ANKRD29: variants seen among roughly 807,000 people sequenced by gnomAD.
ANKRD29 encodes ankyrin repeat domain-containing protein 29.
Under a neutral mutation model 38.0 loss-of-function variants are expected in ANKRD29, and 32 were observed. That is an observed-to-expected ratio of 0.84 (90% CI 0.64 to 1.13). ANKRD29 has a LOEUF of 1.13. Ranked by LOEUF, ANKRD29 falls within the 50% of genes most tolerant of loss-of-function variation. The pLI, the probability that ANKRD29 is intolerant of heterozygous loss-of-function variation, is 0.00. For missense variants in ANKRD29, 357 were observed against 377.9 expected (o/e 0.94, Z 0.46); for synonymous variants, 135 against 152.4 (o/e 0.89, Z 0.84).
At chr18:23,617,000 C>G (rs1048245320) in intron 8 of ANKRD29, among the ~76,000 whole-genome samples, 1 of 151,998 alleles carries the variant, frequency 6.6e-6, no homozygotes, top group Non-Finnish European at 1.5e-5. Flanking sequence ...AAGTGGATCA[C>G]TTGAGGTCAG....
At chr18:23,605,612 C>T (rs140148778) in intron 9 of ANKRD29, among the ~76,000 whole-genome samples, 191 of 151,842 alleles carry the variant, frequency 1.3e-3, no homozygotes, top group African/African-American at 3.9e-3. Flanking sequence ...CTGCAACCTC[C>T]GCCTCCCGGG....
At chr18:23,603,978 G>C (rs1346293395) in intron 9 of ANKRD29, among the ~76,000 whole-genome samples, 1 of 151,980 alleles carries the variant, frequency 6.6e-6, no homozygotes, top group Non-Finnish European at 1.5e-5. Context: ...CAGTAGCTGG[G>C]ATTATAGGTG....
chr18:23,629,411 G>A (rs760435746), intron 6 of ANKRD29, among the ~76,000 whole-genome samples: 8 of 152,214 alleles, frequency 5.3e-5, no homozygotes, highest in South Asian at 2.1e-4. Flanking sequence ...TGATTCCAAC[G>A]GCATGGGCTC....
At chr18:23,641,783 G>A (rs893195229) in intron 3 of ANKRD29, among the ~76,000 whole-genome samples, 1 of 152,216 alleles carries the variant, frequency 6.6e-6, no homozygotes, top group African/African-American at 2.4e-5. Flanking sequence ...GCTGCTGGAA[G>A]GATCTACCCA....
intron 9 of ANKRD29, among the ~76,000 whole-genome samples, chr18:23,606,354 A>G (rs2059575079): frequency 6.6e-6 from 1 of 152,218 alleles, no homozygotes; most frequent in African/African-American, 2.4e-5. Context: ...TTTTGGCTTC[A>G]AGCGATCCTG....
chr18:23,644,836 TG>T (rs374544088), intron 3 of ANKRD29, among the ~76,000 whole-genome samples: 22 of 152,344 alleles, frequency 1.4e-4, no homozygotes, highest in African/African-American at 5.3e-4. Flanking sequence ...CTCAAGTAAC[TG>T]GTACTATAGG....
At chr18:23,634,245 T>C (rs550662115) in intron 4 of ANKRD29, 96 bp from the exon 5 acceptor site, 11 of 916,482 alleles carry the variant, frequency 1.2e-5, no homozygotes, top group Non-Finnish European at 1.8e-5. Context: ...GGAAGAGAGT[T>C]TTCCCAAAGA....
intron 9 of ANKRD29, among the ~76,000 whole-genome samples, chr18:23,604,476 T>C (rs1202348590): frequency 6.6e-6 from 1 of 152,190 alleles, no homozygotes; most frequent in Non-Finnish European, 1.5e-5. Flanking sequence ...CTTTCTTGGC[T>C]TCTCAGCTTC....
intron 6 of ANKRD29, among the ~76,000 whole-genome samples, chr18:23,628,603 A>T (rs551188891): frequency 6.6e-6 from 1 of 152,336 alleles, no homozygotes; most frequent in South Asian, 2.1e-4. Context: ...TGGGAGCCCA[A>T]GGTGTGTGGA....
At chr18:23,648,996 T>G (rs1423622286) in intron 2 of ANKRD29, 87 bp downstream of exon 2, 1 of 1,068,860 alleles carries the variant, frequency 9.4e-7, no homozygotes, top group Non-Finnish European at 1.4e-6. Context: ...AAATAAGCAT[T>G]GTAAAGGGGA....
At chr18:23,642,716 G>C (rs1160795606) in intron 3 of ANKRD29, among the ~76,000 whole-genome samples, 1 of 152,214 alleles carries the variant, frequency 6.6e-6, no homozygotes, top group Admixed American at 6.5e-5. Flanking sequence ...AGCAACAAAA[G>C]ACCCAAGAAA....
At chr18:23,661,448 T>C (rs2060359942) in intron 1 of ANKRD29, among the ~76,000 whole-genome samples, 1 of 152,196 alleles carries the variant, frequency 6.6e-6, no homozygotes, top group African/African-American at 2.4e-5. Flanking sequence ...GCTCACGCCT[T>C]TAACCCCAGC....
chr18:23,600,990 G>A lies in ANKRD29; in HGVS notation c.*236C>T. 2.6e-6 allele frequency: 1 copy of A among 381,700 alleles called. No homozygotes were observed. Among genetic ancestry groups the A allele is most frequent in the Non-Finnish European group, 4.7e-6 (1 of 210,824 alleles). 23.6% of individuals were successfully genotyped at this position (381,700 alleles called of 1,614,324 possible). On this transcript the variant is annotated 3_prime_UTR_variant, in exon 10 of 10. Coordinates refer to ENST00000592179, the MANE Select transcript of ANKRD29 (RefSeq NM_173505.4). The stretch of plus-strand genomic sequence containing the variant: ...TCTGTGAACATGCCAGGCCCCCCGG[G>A]AGATGAGTTACAGGACACCATGAGA...
In ANKRD29 at chr18:23,601,255, T is replaced by C. The variant is rs1221575876; in HGVS notation, c.877A>G (p.Arg293Gly). ...CTCTTTCTGGGACCTTCTTTACTTC[T>C]CAGGAGACGCAATATACGTTCATTT... ...TKNERILRLLRSKEGPRKS is the reference protein window; with the variant it reads ...TKNERILRLLGSKEGPRKS The change falls in exon 10 of 10, where the codon AGA (arginine) becomes GGA (glycine). Residue 293 changes from arginine to glycine, a missense_variant. Transcript: ENST00000592179. The C allele has an allele frequency of 6.2e-7, 1 of 1,614,142 alleles. No homozygotes were observed.
In ANKRD29 at chr18:23,634,175, A is replaced by G. The variant is rs555654581; in HGVS notation, c.331-26T>C. 5 of 1,593,162 alleles carry G rather than the reference A, an allele frequency of 3.1e-6. No individual in the cohort carries two copies. In the South Asian group the frequency reaches 4.4e-5, roughly 14 times the overall value. ...CTATGGACATGCAAAGTATAAACACATTAGAGGTGGCGCAGGCACATAATT... is the reference window on the plus strand; with the variant it reads ...CTATGGACATGCAAAGTATAAACACGTTAGAGGTGGCGCAGGCACATAATT... On this transcript the variant is annotated intron_variant, in intron 4 of 9. Transcript: ENST00000592179.
At position 23,634,177 on chromosome 18, in the gene ANKRD29, T is replaced by C. The variant is rs750562152; in HGVS notation, c.331-28A>G. On this transcript the variant is annotated intron_variant, in intron 4 of 9. Transcript: ENST00000592179. Reference sequence around the variant, plus strand: ...ATGGACATGCAAAGTATAAACACATTAGAGGTGGCGCAGGCACATAATTCA... The same window carrying C: ...ATGGACATGCAAAGTATAAACACATCAGAGGTGGCGCAGGCACATAATTCA... The C allele has an allele frequency of 8.2e-6, 13 of 1,587,732 alleles. No individual in the cohort carries two copies. In the African/African-American group the frequency reaches 1.8e-4, roughly 21 times the overall value.
At chr18:23,657,759 C>T (rs2060303709) in intron 1 of ANKRD29, among the ~76,000 whole-genome samples, 1 of 152,224 alleles carries the variant, frequency 6.6e-6, no homozygotes, top group South Asian at 2.1e-4. Flanking sequence ...TGCATTAGTG[C>T]TTCATTCCTT....
chr18:23,635,504 C>CT (rs755499663), intron 4 of ANKRD29, among the ~76,000 whole-genome samples: 6 of 152,138 alleles, frequency 3.9e-5, no homozygotes, highest in Non-Finnish European at 5.9e-5. Context: ...CTAAGGCATT[C>CT]TTTTTTCCCA....
chr18:23,645,570 T>C (rs2060128572), intron 3 of ANKRD29, among the ~76,000 whole-genome samples: 1 of 152,092 alleles, frequency 6.6e-6, no homozygotes, highest in South Asian at 2.1e-4. Flanking sequence ...CGAGACTCCA[T>C]CTTAAAAAAA....
Sources: gnomAD v4.1 joint callset for allele counts (sites outside exome capture counted in the v4.1 genomes callset) on GRCh38, gnomAD v4.1.1 for gene constraint, MANE v1.5 for transcripts, NCBI Gene and HGNC (gene_info 2026-07-23, HGNC 2026-07-21) for gene names.